The following PACRG variants were observed in gnomAD, a reference collection of about 807,000 sequenced individuals.
PACRG encodes parkin coregulated gene protein.
PACRG carries 29 observed loss-of-function variants against 29.7 expected under a neutral mutation model. The observed-to-expected ratio is 0.98, with a 90% CI of 0.73 to 1.33. PACRG has a LOEUF of 1.33. Among genes scored for constraint, PACRG ranks in the 40% most tolerant of loss-of-function variants. The pLI is 0.00. For missense variants in PACRG, 279 were observed against 316.2 expected (o/e 0.88, Z 0.89); for synonymous variants, 116 against 118.7 (o/e 0.98, Z 0.15).
chr6:162,727,478 T>G (rs1382526669), upstream of PACRG, among the ~76,000 whole-genome samples: 3 of 147,788 alleles, frequency 2.0e-5, no homozygotes, highest in Non-Finnish European at 4.5e-5. Flanking sequence ...ACGCACACAC[T>G]GGGGCCCCGG....
chr6:163,260,444 CTT>C (rs1783281078), intron 4 of PACRG, among the ~76,000 whole-genome samples: 7 of 152,216 alleles, frequency 4.6e-5, no homozygotes, highest in Admixed American at 4.6e-4. Context: ...GATTTTTCTG[CTT>C]CATCTACCCA....
intron 4 of PACRG, among the ~76,000 whole-genome samples, chr6:163,159,534 T>G (rs1385271489): frequency 2.0e-5 from 3 of 152,050 alleles, no homozygotes; most frequent in Non-Finnish European, 2.9e-5. Flanking sequence ...CATTATGGGT[T>G]TTAGTCCTGA....
At chr6:162,862,471 C>G in intron 2 of PACRG, among the ~76,000 whole-genome samples, 1 of 152,162 alleles carries the variant, frequency 6.6e-6, no homozygotes, top group South Asian at 2.1e-4. Flanking sequence ...TAGGAAGAAG[C>G]AATTGATGCT....
At chr6:162,730,388 T>C (rs1584155622) in intron 1 of PACRG, among the ~76,000 whole-genome samples, 1 of 152,248 alleles carries the variant, frequency 6.6e-6, no homozygotes, top group East Asian at 1.9e-4. Flanking sequence ...ATTTCCAGCT[T>C]TTCTTAATTG....
At chr6:162,839,907 T>C (rs1322272933) in intron 2 of PACRG, among the ~76,000 whole-genome samples, 5 of 139,080 alleles carry the variant, frequency 3.6e-5, no homozygotes, top group African/African-American at 1.1e-4. Flanking sequence ...TAGTTGTAGA[T>C]ATGCGGCGTT....
intron 1 of PACRG, among the ~76,000 whole-genome samples, chr6:162,791,441 C>A (rs1784940354): frequency 6.6e-6 from 1 of 150,922 alleles, no homozygotes; most frequent in African/African-American, 2.4e-5. Flanking sequence ...TATGTCAGAA[C>A]AATGGCTTCT....
At chr6:162,989,757 C>G in intron 2 of PACRG, among the ~76,000 whole-genome samples, 1 of 140,450 alleles carries the variant, frequency 7.1e-6, no homozygotes, top group African/African-American at 2.7e-5. Context: ...TTTTATTATA[C>G]TTTAAGTTTT....
intron 2 of PACRG, among the ~76,000 whole-genome samples, chr6:162,971,323 A>G (rs1199021738): frequency 6.6e-6 from 1 of 152,164 alleles, no homozygotes. Flanking sequence ...CATGGACCAT[A>G]TTGTCAACCT....
At chr6:162,919,175 A>T (rs1796896427) in intron 2 of PACRG, among the ~76,000 whole-genome samples, 1 of 152,240 alleles carries the variant, frequency 6.6e-6, no homozygotes. Context: ...TTAGACGAAG[A>T]ACATAGCATG....
chr6:163,208,412 CTTT>C (rs5881514), intron 4 of PACRG, among the ~76,000 whole-genome samples: 100 of 151,162 alleles, frequency 6.6e-4, no homozygotes, highest in African/African-American at 1.9e-3. Flanking sequence ...CTACATTTTA[CTTT>C]TTTTAAAAAA....
At chr6:162,895,255 G>A (rs1180055749) in intron 2 of PACRG, among the ~76,000 whole-genome samples, 3 of 134,202 alleles carry the variant, frequency 2.2e-5, no homozygotes, top group African/African-American at 9.0e-5. Flanking sequence ...GGGTGACAGA[G>A]TGAGACCCTC....
intron 3 of PACRG, among the ~76,000 whole-genome samples, chr6:163,070,281 TGTG>T (rs1811918763): frequency 6.6e-6 from 1 of 152,098 alleles, no homozygotes; most frequent in Non-Finnish European, 1.5e-5. Flanking sequence ...GCACTGTTAT[TGTG>T]GTGTACAAAC....
rs148333819 is a variant in PACRG, at chr6:163,245,671, A to G, written c.614-69156A>G. Among the ~76,000 whole-genome samples, 135 of 151,748 alleles carry G rather than the reference A, an allele frequency of 8.9e-4. 2 individuals are homozygous for G. The highest frequency in any genetic ancestry group is 5.8e-3 in the East Asian group (30 of 5,150). On this transcript the variant is annotated intron_variant, in intron 4 of 4. Transcript: ENST00000366888. ...TGCACTGATGGTTCCCTCATTTGAC[A>G]CCCCTCTCCCCACCACACACTCTGA...
chr6:163,138,037 G>C (rs1241916972), intron 4 of PACRG, among the ~76,000 whole-genome samples: 1 of 152,198 alleles, frequency 6.6e-6, no homozygotes, highest in African/African-American at 2.4e-5. Flanking sequence ...TGCCCAGAAC[G>C]ACAGTACATA....
chr6:162,948,850 C>T (rs1179523333), intron 2 of PACRG, among the ~76,000 whole-genome samples: 3 of 151,916 alleles, frequency 2.0e-5, no homozygotes, highest in Non-Finnish European at 2.9e-5. Flanking sequence ...CATCTTACTC[C>T]AGTGAAAAAG....
At chr6:163,220,467 T>C (rs1781540999) in intron 4 of PACRG, among the ~76,000 whole-genome samples, 1 of 151,996 alleles carries the variant, frequency 6.6e-6, no homozygotes, top group Non-Finnish European at 1.5e-5. Context: ...AGAACAAGGG[T>C]ACGAGGCAGG....
intron 4 of PACRG, among the ~76,000 whole-genome samples, chr6:163,278,521 G>A (rs937755912): frequency 1.3e-5 from 2 of 152,164 alleles, no homozygotes; most frequent in African/African-American, 4.8e-5. Flanking sequence ...TAAGGTAAGA[G>A]ATGAGGATCC....
At chr6:162,854,386 G>A (rs937457443) in intron 2 of PACRG, among the ~76,000 whole-genome samples, 3 of 152,090 alleles carry the variant, frequency 2.0e-5, no homozygotes, top group South Asian at 4.1e-4. Context: ...AACCATCTGT[G>A]TGTTTGTTTA....
chr6:162,951,832 C>T (rs1459308239), intron 2 of PACRG, among the ~76,000 whole-genome samples: 1 of 152,108 alleles, frequency 6.6e-6, no homozygotes, highest in Non-Finnish European at 1.5e-5. Flanking sequence ...TTTTTGCTCT[C>T]GTTGTAGTCT....
Sources: gnomAD v4.1 joint callset for allele counts (sites outside exome capture counted in the v4.1 genomes callset) on GRCh38, gnomAD v4.1.1 for gene constraint, MANE v1.5 for transcripts, NCBI Gene and HGNC (gene_info 2026-07-23, HGNC 2026-07-21) for gene names.